BARD1: variants seen among roughly 807,000 people sequenced by gnomAD.
BARD1 encodes BRCA1-associated RING domain protein 1.
Under a neutral mutation model 77.0 loss-of-function variants are expected in BARD1, and 73 were observed. That is an observed-to-expected ratio of 0.95 (90% CI 0.79 to 1.15). The LOEUF (loss-of-function observed/expected upper bound fraction) is 1.15. BARD1 is among the 50% of genes most tolerant of loss of function. The pLI is 0.00. For synonymous variants in BARD1, 384 were observed against 338.0 expected (o/e 1.14, Z -1.49); for missense variants, 993 against 938.8 (o/e 1.06, Z -0.75).
chr2:214,786,108 A>C (rs939414513), intron 3 of BARD1, among the ~76,000 whole-genome samples: 21 of 151,972 alleles, frequency 1.4e-4, no homozygotes, highest in African/African-American at 4.8e-4. Flanking sequence ...GAAGAAAACC[A>C]GTGGCCACTA....
In BARD1 at chr2:214,794,245, T is replaced by C. The variant is rs942165716; in HGVS notation, c.216-1800A>G. On this transcript the variant is annotated intron_variant, in intron 2 of 10. Coordinates refer to ENST00000260947, the MANE Select transcript of BARD1 (RefSeq NM_000465.4). ...CAGCCTGGGTGACAGAGTGAGACTCTTGTCTTCACAAAAAAATAAAAATAA... is the reference window on the plus strand; with the variant it reads ...CAGCCTGGGTGACAGAGTGAGACTCCTGTCTTCACAAAAAAATAAAAATAA... Among the ~76,000 whole-genome samples the C allele has an allele frequency of 8.5e-5, 13 of 152,100 alleles. 1 individual carries two copies. The highest frequency in any genetic ancestry group is 6.6e-4 in the Admixed American group (10 of 15,260).
intron 4 of BARD1, among the ~76,000 whole-genome samples, chr2:214,769,524 C>T (rs1304088385): frequency 6.6e-6 from 1 of 152,048 alleles, no homozygotes; most frequent in Non-Finnish European, 1.5e-5. Context: ...GGTGGATCAC[C>T]TGAGGTCAGG....
chr2:214,732,030 C>G (rs1270285330), intron 9 of BARD1, among the ~76,000 whole-genome samples: 1 of 152,160 alleles, frequency 6.6e-6, no homozygotes, highest in African/African-American at 2.4e-5. Flanking sequence ...CACTTGATAT[C>G]TAATGGCTTA....
At chr2:214,763,963 T>C (rs1368143172) in intron 6 of BARD1, among the ~76,000 whole-genome samples, 1 of 152,162 alleles carries the variant, frequency 6.6e-6, no homozygotes, top group African/African-American at 2.4e-5. Context: ...CAGCATGCAC[T>C]TAAAAGTCAA....
At chr2:214,753,190 G>A (rs1266503760) in intron 6 of BARD1, among the ~76,000 whole-genome samples, 2 of 152,076 alleles carry the variant, frequency 1.3e-5, no homozygotes, top group African/African-American at 4.8e-5. Flanking sequence ...GTTTGATCCT[G>A]TTCAAGATAA....
At chr2:214,764,135 CAGA>C (rs1039572698) in intron 6 of BARD1, among the ~76,000 whole-genome samples, 8 of 152,174 alleles carry the variant, frequency 5.3e-5, no homozygotes, top group African/African-American at 1.9e-4. Context: ...AAGGTAGTGG[CAGA>C]AGGAGGCAAT....
chr2:214,736,765 G>T (rs1332844968), intron 9 of BARD1, among the ~76,000 whole-genome samples: 1 of 152,122 alleles, frequency 6.6e-6, no homozygotes, highest in Non-Finnish European at 1.5e-5. Context: ...TCCATGAGAA[G>T]GAGCCAGTGT....
chr2:214,730,098 T>C (rs1692283616), intron 10 of BARD1: 2 of 399,938 alleles, frequency 5.0e-6, no homozygotes, highest in South Asian at 2.4e-5. Flanking sequence ...CATAGAGACA[T>C]ATGGTAACTA....
At chr2:214,755,069 G>A (rs1693630615) in intron 6 of BARD1, among the ~76,000 whole-genome samples, 1 of 152,176 alleles carries the variant, frequency 6.6e-6, no homozygotes, top group South Asian at 2.1e-4. Flanking sequence ...ACTTTAGTTA[G>A]AGAATTAGTG....
intron 3 of BARD1, among the ~76,000 whole-genome samples, chr2:214,786,492 C>G (rs1052899925): frequency 3.3e-5 from 5 of 151,922 alleles, no homozygotes; most frequent in African/African-American, 1.2e-4. Context: ...CCTCATATTT[C>G]TTGAGTACAA....
At chr2:214,769,932 T>C (rs1264528088) in intron 4 of BARD1, among the ~76,000 whole-genome samples, 2 of 152,166 alleles carry the variant, frequency 1.3e-5, no homozygotes, top group East Asian at 1.9e-4. Context: ...ATAATTTCAC[T>C]TGTGAAAAAA....
chr2:214,802,784 T>A (rs1179984445), intron 1 of BARD1, among the ~76,000 whole-genome samples: 4 of 152,186 alleles, frequency 2.6e-5, no homozygotes, highest in Admixed American at 2.0e-4. Flanking sequence ...GAGAAGACAT[T>A]TGCATGGTAA....
At chr2:214,794,205 C>T (rs550122279) in intron 2 of BARD1, among the ~76,000 whole-genome samples, 5 of 152,156 alleles carry the variant, frequency 3.3e-5, no homozygotes, top group Non-Finnish European at 4.4e-5. Flanking sequence ...GAGCCATGAT[C>T]GCGCCACTGC....
At chr2:214,747,802 C>T (rs1270709114) in intron 7 of BARD1, among the ~76,000 whole-genome samples, 1 of 150,784 alleles carries the variant, frequency 6.6e-6, no homozygotes, top group Non-Finnish European at 1.5e-5. Context: ...CACATGTATA[C>T]ATATGTAACA....
chr2:214,737,518 CTG>C (rs1692619843), intron 9 of BARD1, among the ~76,000 whole-genome samples: 1 of 152,076 alleles, frequency 6.6e-6, no homozygotes, highest in South Asian at 2.1e-4. Context: ...TTATCTGAAA[CTG>C]TGAGTTTCAG....
chr2:214,727,851 A>G lies in BARD1; in HGVS notation c.*825T>C, dbSNP rs1559370379. On this transcript the variant is annotated 3_prime_UTR_variant, in exon 11 of 11. Transcript: ENST00000260947. ...AGAAGACTGCTTCTTAATTTAAAGTAATGACGTTGGACTGACAATTTGCTA... is the reference window on the plus strand; with the variant it reads ...AGAAGACTGCTTCTTAATTTAAAGTGATGACGTTGGACTGACAATTTGCTA... The G allele has an allele frequency of 4.5e-6, 1 of 221,272 alleles. No individual in the cohort carries two copies. The highest frequency in any genetic ancestry group is 9.0e-6 in the Non-Finnish European group (1 of 110,588). The allele number at this position is 221,272 out of a possible 1,614,324, so 13.7% of individuals were successfully genotyped here.
At chr2:214,740,677 C>T (rs1692782281) in intron 9 of BARD1, among the ~76,000 whole-genome samples, 1 of 151,932 alleles carries the variant, frequency 6.6e-6, no homozygotes, top group Admixed American at 6.5e-5. Context: ...TCAGGCATTT[C>T]AGAATTTTCC....
chr2:214,767,503 T>A lies in BARD1; in HGVS notation c.1547A>T (p.Tyr516Phe), dbSNP rs876660325. Residue 516 changes from tyrosine (Y) to phenylalanine (F), a missense_variant, in exon 6 of 11, where the codon TAT becomes TTT. By Grantham distance (22) the Tyr-to-Phe change is conservative. Transcript: ENST00000260947. The part of the protein sequence containing the change: ...HVDIVKLLLS[Y>F]GASRNAVNIF... ...TTACACAGCATTTCTGGAGGCTCCA[T>A]AGGAAAGTAACAGCTTGACTATATC... 6.2e-7 allele frequency: 1 copy of A among 1,613,758 alleles called. No individual in the cohort carries two copies.
At chr2:214,787,611 G>A (rs886863712) in intron 3 of BARD1, among the ~76,000 whole-genome samples, 3 of 151,832 alleles carry the variant, frequency 2.0e-5, no homozygotes, top group Non-Finnish European at 4.4e-5. Flanking sequence ...AAAAATACTG[G>A]TCCTTCCTCT....
Sources: gnomAD v4.1 joint callset for allele counts (sites outside exome capture counted in the v4.1 genomes callset) on GRCh38, gnomAD v4.1.1 for gene constraint, MANE v1.5 for transcripts, NCBI Gene and HGNC (gene_info 2026-07-23, HGNC 2026-07-21) for gene names.